Variants in ATP8B2 observed in about 807,000 individuals in gnomAD.
The protein encoded by ATP8B2 is phospholipid-transporting ATPase ID.
A neutral mutation model predicts 133.4 loss-of-function variants in ATP8B2; 70 were observed. That is an observed-to-expected ratio of 0.52 (90% CI 0.43 to 0.64). ATP8B2 has a LOEUF of 0.64. ATP8B2 is among the 30% of genes least tolerant of loss of function. The probability of loss-of-function intolerance (pLI) is 0.00; values close to 1 mark genes in which losing one functional copy is unlikely to be tolerated. For synonymous variants in ATP8B2, 517 were observed against 589.5 expected, an observed-to-expected ratio of 0.88 and a Z score of 1.78; for missense variants, 1,101 against 1,535.7, an observed-to-expected ratio of 0.72 and a Z score of 4.73.
In ATP8B2 at chr1:154,340,967, T is replaced by C; in HGVS notation, c.1148T>C (p.Leu383Pro). The stretch of plus-strand genomic sequence containing the variant: ...CGCACCACCACCCTAAACGAGGAGC[T>C]GGGCCAGGTGGAGTACATCTTCTCC... ...EARTTTLNEE[L>P]GQVEYIFSDK... The change falls in exon 13 of 28, where the codon CTG (leucine) becomes CCG (proline). Residue 383 changes from leucine to proline, a missense_variant. By Grantham distance (98) the Leu-to-Pro change is moderately conservative. Coordinates refer to ENST00000368489, the MANE Select transcript of ATP8B2 (RefSeq NM_001370597.1). The surrounding 1 kb of genome is among the most constrained non-coding windows in gnomAD (Gnocchi z 4.0). 1 of 1,614,168 alleles carries C rather than the reference T, an allele frequency of 6.2e-7. No individual in the cohort carries two copies. Among genetic ancestry groups the C allele is most frequent in the Non-Finnish European group, 8.5e-7 (1 of 1,180,024 alleles).
At position 154,346,601 on chromosome 1, in the gene ATP8B2, CTA is replaced by C. The variant is rs1686593338; in HGVS notation, c.3025-17_3025-16del. The C allele has an allele frequency of 6.2e-7, 1 of 1,614,100 alleles. No homozygotes were observed. Among genetic ancestry groups the C allele is most frequent in the African/African-American group, 1.3e-5 (1 of 75,056 alleles). On this transcript the variant is annotated splice_polypyrimidine_tract_variant and intron_variant, in intron 25 of 27. Transcript: ENST00000368489. The surrounding 1 kb of genome is among the most constrained non-coding windows in gnomAD (Gnocchi z 4.5). ...GCTTTTAGGGCGTGCGCCTGCCTGA[CTA>C]TGCCTACTTTCTGCAGATTGGGCTC...
chr1:154,330,931 A>T lies in ATP8B2; in HGVS notation c.204+3A>T. 1 of 1,612,310 alleles carries T rather than the reference A, an allele frequency of 6.2e-7. No individual in the cohort carries two copies. The highest frequency in any genetic ancestry group is 8.5e-7 in the Non-Finnish European group (1 of 1,178,452). On this transcript the variant is annotated splice_donor_region_variant and intron_variant, in intron 4 of 27. Transcript: ENST00000368489. ...TCCTGTTCCTCCTCATTCTGCAGGT[A>T]GGTGACCCATAGTAGATTTTTTGCA...
rs1570870066 is a variant in ATP8B2, at chr1:154,344,866, T to A, written c.2286+81T>A. 4 of 1,543,366 alleles carry A rather than the reference T, an allele frequency of 2.6e-6. No individual in the cohort carries two copies. In the East Asian group the frequency reaches 9.1e-5, roughly 35 times the overall value. On this transcript the variant is annotated intron_variant, in intron 21 of 27. Transcript: ENST00000368489. This position sits in a 1 kb window ranked among gnomAD's most constrained non-coding sequence, Gnocchi z 4.1. The stretch of plus-strand genomic sequence containing the variant: ...AGGGCTTTTATATCTTGTTCTAATT[T>A]CCCCTGATTTCAGAGAAGACTGGTC...
chr1:154,334,016 C>A lies in ATP8B2; in HGVS notation c.590-91C>A. The A allele has an allele frequency of 6.7e-7, 1 of 1,495,824 alleles. No individual in the cohort carries two copies. Among genetic ancestry groups the A allele is most frequent in the Non-Finnish European group, 9.2e-7 (1 of 1,091,952 alleles). 92.7% of individuals were successfully genotyped at this position (1,495,824 alleles called of 1,614,324 possible). A position where few individuals can be genotyped will look rare whatever the true frequency, so the allele number is the denominator to read the frequency against. ...GGATGGGCCCTTGCCCTTGCATCCTCTTCGCTCAGCTCATTTTCTCTTTGT... is the reference window on the plus strand; with the variant it reads ...GGATGGGCCCTTGCCCTTGCATCCTATTCGCTCAGCTCATTTTCTCTTTGT... On this transcript the variant is annotated intron_variant, in intron 9 of 27. Coordinates refer to ENST00000368489, the MANE Select transcript of ATP8B2 (RefSeq NM_001370597.1). This position sits in a 1 kb window ranked among gnomAD's most constrained non-coding sequence, Gnocchi z 4.6.
Position 154,328,870 on chromosome 1 carries a change from G to T in ATP8B2, c.31+698G>T. ...CTGCGGGTGGGGCGCGCGCCCGACGGCTGGGGCTCCCCTCTGAGCGGCTGC... is the reference window on the plus strand; with the variant it reads ...CTGCGGGTGGGGCGCGCGCCCGACGTCTGGGGCTCCCCTCTGAGCGGCTGC... On this transcript the variant is annotated intron_variant, in intron 2 of 27. Transcript: ENST00000368489. This position sits in a 1 kb window ranked among gnomAD's most constrained non-coding sequence, Gnocchi z 4.6. The T allele has an allele frequency of 1.7e-6, 2 of 1,184,176 alleles. No homozygotes were observed. The highest frequency in any genetic ancestry group is 2.1e-6 in the Non-Finnish European group (2 of 934,168). 73.4% of individuals were successfully genotyped at this position (1,184,176 alleles called of 1,614,324 possible).
In ATP8B2 at chr1:154,343,337, A is replaced by T; in HGVS notation, c.1642+36A>T. 6.2e-7 allele frequency: 1 copy of T among 1,609,948 alleles called. No individual in the cohort carries two copies. Among genetic ancestry groups the T allele is most frequent in the Non-Finnish European group, 8.5e-7 (1 of 1,177,194 alleles). On this transcript the variant is annotated intron_variant, in intron 16 of 27. Coordinates refer to ENST00000368489, the MANE Select transcript of ATP8B2 (RefSeq NM_001370597.1). The surrounding 1 kb of genome is among the most constrained non-coding windows in gnomAD (Gnocchi z 5.8). ...GCCTGGGGTGCTGGGGCGTTTGGGGACAGCATTCAGGCCTGGAATGGGTGA... is the reference window on the plus strand; with the variant it reads ...GCCTGGGGTGCTGGGGCGTTTGGGGTCAGCATTCAGGCCTGGAATGGGTGA...
intron 13 of ATP8B2, 81 bp downstream of exon 13, chr1:154,341,143 C>T (rs1385162870): frequency 1.4e-6 from 2 of 1,461,952 alleles, no homozygotes; most frequent in Admixed American, 1.9e-5. Context: ...GTTTCCTTAA[C>T]ATTGGTTTTT....
At chr1:154,341,109 G>A (rs1246953639) in intron 13 of ATP8B2, 47 bp downstream of exon 13, 1 of 1,601,734 alleles carries the variant, frequency 6.2e-7, no homozygotes, top group Non-Finnish European at 8.5e-7. Flanking sequence ...TCGCCTGGAA[G>A]GACAGTGGAA....
rs1570850226 is a variant in ATP8B2, at chr1:154,331,684, G to A, written c.438+6G>A. 1 of 1,613,422 alleles carries A rather than the reference G, an allele frequency of 6.2e-7. No homozygotes were observed. Among genetic ancestry groups the A allele is most frequent in the South Asian group, 1.1e-5 (1 of 91,078 alleles). On this transcript the variant is annotated splice_donor_region_variant and intron_variant, in intron 7 of 27. Coordinates refer to ENST00000368489, the MANE Select transcript of ATP8B2 (RefSeq NM_001370597.1). The surrounding 1 kb of genome is among the most constrained non-coding windows in gnomAD (Gnocchi z 4.8). ...AAAATAACCAGTTTGTGGCGGTAAG[G>A]GACAGGGTACCCCTCTAGGCCTGTA...
Position 154,331,545 on chromosome 1 carries a change from G to T in ATP8B2, c.365+40G>T. 1 of 1,613,438 alleles carries T rather than the reference G, an allele frequency of 6.2e-7. No individual in the cohort carries two copies. The highest frequency in any genetic ancestry group is 8.5e-7 in the Non-Finnish European group (1 of 1,179,346). On this transcript the variant is annotated intron_variant, in intron 6 of 27. Coordinates refer to ENST00000368489, the MANE Select transcript of ATP8B2 (RefSeq NM_001370597.1). The surrounding 1 kb of genome is among the most constrained non-coding windows in gnomAD (Gnocchi z 4.8). ...GAGACAAGAGCTCTGGGGACGAAGG[G>T]GGTCCCTTAGGAACCTCTTTAGCTC...
At position 154,345,770 on chromosome 1, in the gene ATP8B2, C is replaced by A; in HGVS notation, c.2695-30C>A. The A allele has an allele frequency of 6.4e-7, 1 of 1,565,992 alleles. No homozygotes were observed. ...CCTGATGTGTAGCAAAGAAAGGTTG[C>A]ATGCTCCCTTGCTCCCTGTTCTCTT... On this transcript the variant is annotated intron_variant, in intron 23 of 27. Transcript: ENST00000368489. This position sits in a 1 kb window ranked among gnomAD's most constrained non-coding sequence, Gnocchi z 5.6.
chr1:154,328,760 C>T lies in ATP8B2; in HGVS notation c.31+588C>T, dbSNP rs565714134. Reference sequence around the variant, plus strand: ...GGGCCACTCAGCGCACGCTGGCATCCGCCGGGGGGCATGGGGGGCGGCGGC... The same window carrying T: ...GGGCCACTCAGCGCACGCTGGCATCTGCCGGGGGGCATGGGGGGCGGCGGC... On this transcript the variant is annotated intron_variant, in intron 2 of 27. Coordinates refer to ENST00000368489, the MANE Select transcript of ATP8B2 (RefSeq NM_001370597.1). This position sits in a 1 kb window ranked among gnomAD's most constrained non-coding sequence, Gnocchi z 4.6. 1,546 of 994,572 alleles carry T rather than the reference C, an allele frequency of 1.6e-3. 6 individuals carry two copies. Among genetic ancestry groups the T allele is most frequent in the Admixed American group, 3.3e-3 (53 of 16,276 alleles). The allele number at this position is 994,572 out of a possible 1,614,324, so 61.6% of individuals were successfully genotyped here.
intron 1 of ATP8B2, among the ~76,000 whole-genome samples, chr1:154,327,095 C>T (rs928112679): frequency 1.3e-5 from 2 of 152,154 alleles, no homozygotes; most frequent in Admixed American, 1.3e-4. Flanking sequence ...GGGTTGTGGC[C>T]AGAATCTGTA....
At position 154,331,679 on chromosome 1, in the gene ATP8B2, G is replaced by T. The variant is rs1196141220; in HGVS notation, c.438+1G>T. ...GCTAGAAAATAACCAGTTTGTGGCG[G>T]TAAGGGACAGGGTACCCCTCTAGGC... On this transcript the variant is annotated splice_donor_variant, in intron 7 of 27. Transcript: ENST00000368489. LOFTEE classifies it high-confidence loss of function. The surrounding 1 kb of genome is among the most constrained non-coding windows in gnomAD (Gnocchi z 4.8). 1 of 1,613,782 alleles carries T rather than the reference G, an allele frequency of 6.2e-7. No homozygotes were observed. Among genetic ancestry groups the T allele is most frequent in the Non-Finnish European group, 8.5e-7 (1 of 1,179,618 alleles).
intron 14 of ATP8B2, 106 bp downstream of exon 14, chr1:154,342,629 T>G: frequency 6.8e-7 from 1 of 1,468,918 alleles, no homozygotes. Flanking sequence ...TGGAAGCTGC[T>G]TGGAGAAATG....
In ATP8B2 at chr1:154,328,776, G is replaced by GGGC. The variant is rs955296550; in HGVS notation, c.31+618_31+620dup. 2.6e-5 allele frequency: 26 copies of GGGC among 997,368 alleles called. No individual in the cohort carries two copies. Among genetic ancestry groups the GGGC allele is most frequent in the South Asian group, 4.3e-5 (1 of 23,280 alleles). 61.8% of individuals were successfully genotyped at this position (997,368 alleles called of 1,614,324 possible). On this transcript the variant is annotated intron_variant, in intron 2 of 27. Transcript: ENST00000368489. This position sits in a 1 kb window ranked among gnomAD's most constrained non-coding sequence, Gnocchi z 4.6. ...GCTGGCATCCGCCGGGGGGCATGGGGGGCGGCGGCGGCGGCGCAGCTGAGC... is the reference window on the plus strand; with the variant it reads ...GCTGGCATCCGCCGGGGGGCATGGGGGGCGGCGGCGGCGGCGGCGCAGCTGAGC...
chr1:154,349,744 T>G lies in ATP8B2; in HGVS notation c.*626T>G, dbSNP rs1686722891. 1 of 154,228 alleles carries G rather than the reference T, an allele frequency of 6.5e-6. No individual in the cohort carries two copies. Among genetic ancestry groups the G allele is most frequent in the East Asian group, 1.9e-4 (1 of 5,200 alleles). The allele number at this position is 154,228 out of a possible 1,614,324, so 9.6% of individuals were successfully genotyped here. A position where few individuals can be genotyped will look rare whatever the true frequency, so the allele number is the denominator to read the frequency against. On this transcript the variant is annotated 3_prime_UTR_variant, in exon 28 of 28. Transcript: ENST00000368489. The stretch of plus-strand genomic sequence containing the variant: ...TGGGATGCCGCAGCCTGGCCGGCTG[T>G]GGGGTGGTTTGGGAGGATCCATGTC...
rs1308347811 is a variant in ATP8B2 at position 154,328,771 on chromosome 1, A to T, written c.31+599A>T. 4.0e-6 allele frequency: 4 copies of T among 997,260 alleles called. No homozygotes were observed. The highest frequency in any genetic ancestry group is 4.8e-6 in the Non-Finnish European group (4 of 838,892). 61.8% of individuals were successfully genotyped at this position (997,260 alleles called of 1,614,324 possible). On this transcript the variant is annotated intron_variant, in intron 2 of 27. Coordinates refer to ENST00000368489, the MANE Select transcript of ATP8B2 (RefSeq NM_001370597.1). This position sits in a 1 kb window ranked among gnomAD's most constrained non-coding sequence, Gnocchi z 4.6. The stretch of plus-strand genomic sequence containing the variant: ...CGCACGCTGGCATCCGCCGGGGGGC[A>T]TGGGGGGCGGCGGCGGCGGCGCAGC...
Position 154,334,385 on chromosome 1 carries a change from C to A in ATP8B2, c.749-118C>A. 6.6e-7 allele frequency: 1 copy of A among 1,511,986 alleles called. No individual in the cohort carries two copies. Among genetic ancestry groups the A allele is most frequent in the Non-Finnish European group, 9.1e-7 (1 of 1,101,468 alleles). 93.7% of individuals were successfully genotyped at this position (1,511,986 alleles called of 1,614,324 possible). ...AAAAACCTCCAGCTGTGTATACAGG[C>A]TTCTTATCTAGCCAGTATCTCTATT... On this transcript the variant is annotated intron_variant, in intron 10 of 27. Transcript: ENST00000368489. The surrounding 1 kb of genome is among the most constrained non-coding windows in gnomAD (Gnocchi z 4.6).
Sources: gnomAD v4.1 joint callset for allele counts (sites outside exome capture counted in the v4.1 genomes callset) on GRCh38, gnomAD v4.1.1 for gene constraint, Gnocchi (gnomAD v3.1) non-coding constraint, MANE v1.5 for transcripts, NCBI Gene and HGNC (gene_info 2026-07-23, HGNC 2026-07-21) for gene names.